PALLD: variants seen among roughly 807,000 people sequenced by gnomAD.
PALLD encodes the protein palladin, cytoskeletal associated protein, also known as palladin.
PALLD carries 61 observed loss-of-function variants against 123.5 expected under a neutral mutation model. The observed-to-expected ratio is 0.49, with a 90% confidence interval of 0.40 to 0.61. PALLD has a LOEUF of 0.61. PALLD is among the 20% of genes least tolerant of loss of function. The pLI is 0.00. For synonymous variants in PALLD, 465 were observed against 496.4 expected, an observed-to-expected ratio of 0.94 and a Z score of 0.84; for missense variants, 1,273 against 1,377.0, an observed-to-expected ratio of 0.92 and a Z score of 1.20.
At chr4:168,535,894 T>C (rs1023438237) in intron 2 of PALLD, among the ~76,000 whole-genome samples, 2 of 152,174 alleles carry the variant, frequency 1.3e-5, no homozygotes, top group Admixed American at 6.5e-5. Flanking sequence ...TACATAAAAA[T>C]ACAACTATTA....
chr4:168,640,722 C>T (rs1272442562), intron 2 of PALLD, among the ~76,000 whole-genome samples: 2 of 152,234 alleles, frequency 1.3e-5, no homozygotes, highest in Non-Finnish European at 1.5e-5. Flanking sequence ...GTAAGCTACA[C>T]TTATAATGAT....
chr4:168,728,914 A>T (rs1030989711), intron 10 of PALLD, among the ~76,000 whole-genome samples: 6 of 151,976 alleles, frequency 3.9e-5, no homozygotes, highest in Admixed American at 3.3e-4. Flanking sequence ...GCCTTTGTGG[A>T]TGCCTTTTAT....
At chr4:168,518,388 G>A (rs548407447) in intron 2 of PALLD, among the ~76,000 whole-genome samples, 30 of 152,196 alleles carry the variant, frequency 2.0e-4, no homozygotes, top group South Asian at 4.2e-4. Flanking sequence ...AGCACTGCCC[G>A]AACACCGTCC....
rs1285479149 is a variant in PALLD at position 168,530,430 on chromosome 4, G to C, written c.908+18018G>C. The C allele has an allele frequency of 3.9e-5, 6 of 152,156 alleles. No homozygotes were observed. The East Asian group carries it at 1.2e-3, about 29-fold the overall frequency. The allele number at this position is 152,156 out of a possible 1,614,324, so 9.4% of individuals were successfully genotyped here. On this transcript the variant is annotated intron_variant, in intron 2 of 21. Coordinates refer to ENST00000505667, the MANE Select transcript of PALLD (RefSeq NM_001166108.2). ...TCTATCCATCCCTTCAATAAACCTAGAACTGCAGAGAGAGATAGACACCTG... is the reference window on the plus strand; with the variant it reads ...TCTATCCATCCCTTCAATAAACCTACAACTGCAGAGAGAGATAGACACCTG...
intron 10 of PALLD, among the ~76,000 whole-genome samples, chr4:168,813,862 A>G (rs1370590387): frequency 6.6e-6 from 1 of 152,166 alleles, no homozygotes; most frequent in Non-Finnish European, 1.5e-5. Flanking sequence ...AAAGGCTATT[A>G]TAACCAAATA....
chr4:168,771,244 A>T (rs1036715516), intron 10 of PALLD, among the ~76,000 whole-genome samples: 2 of 152,176 alleles, frequency 1.3e-5, no homozygotes, highest in Non-Finnish European at 2.9e-5. Flanking sequence ...TGTAAAATAT[A>T]ATAAAAACAA....
intron 2 of PALLD, among the ~76,000 whole-genome samples, chr4:168,617,603 A>C (rs1774352927): frequency 6.6e-6 from 1 of 152,222 alleles, no homozygotes; most frequent in Admixed American, 6.5e-5. Flanking sequence ...GACTATAGGC[A>C]GAGTCAGACT....
chr4:168,790,078 T>G (rs1737291335), intron 10 of PALLD, among the ~76,000 whole-genome samples: 1 of 152,150 alleles, frequency 6.6e-6, no homozygotes, highest in African/African-American at 2.4e-5. Context: ...TCTCTCCGGT[T>G]TTGTGTAGGG....
rs1283752864 is a variant in PALLD, at chr4:168,684,626, T to C, written c.1261-859T>C. The stretch of plus-strand genomic sequence containing the variant: ...CCTGGCATAGAGTAAATATTAATAC[T>C]ATAAGAGTGTTCACATATTCTTGGG... On this transcript the variant is annotated intron_variant, in intron 5 of 21. Coordinates refer to ENST00000505667, the MANE Select transcript of PALLD (RefSeq NM_001166108.2). Among the ~76,000 whole-genome samples the C allele has an allele frequency of 3.9e-5, 6 of 152,214 alleles. No homozygotes were observed. In the East Asian group the frequency reaches 7.7e-4, roughly 19 times the overall value.
intron 1 of PALLD, among the ~76,000 whole-genome samples, chr4:168,505,803 T>C (rs1055841312): frequency 2.6e-5 from 4 of 152,248 alleles, no homozygotes; most frequent in Admixed American, 6.5e-5. Flanking sequence ...TGATCATTAA[T>C]TGCCTTTATA....
intron 10 of PALLD, among the ~76,000 whole-genome samples, chr4:168,724,751 A>T (rs549105462): frequency 6.6e-6 from 1 of 152,340 alleles, no homozygotes; most frequent in South Asian, 2.1e-4. Flanking sequence ...TTGCTCTAGG[A>T]GCATACCAGG....
chr4:168,779,003 T>C (rs970884908), intron 10 of PALLD, among the ~76,000 whole-genome samples: 11 of 152,220 alleles, frequency 7.2e-5, no homozygotes, highest in African/African-American at 2.7e-4. Flanking sequence ...TACATTGACA[T>C]TGAATTTTTC....
At chr4:168,502,144 C>T (rs1331517299) in intron 1 of PALLD, among the ~76,000 whole-genome samples, 1 of 152,020 alleles carries the variant, frequency 6.6e-6, no homozygotes, top group Non-Finnish European at 1.5e-5. Context: ...TAAATGCTGA[C>T]TGAATAAAAC....
intron 2 of PALLD, among the ~76,000 whole-genome samples, chr4:168,554,907 A>C (rs1352136842): frequency 6.6e-6 from 1 of 152,150 alleles, no homozygotes; most frequent in African/African-American, 2.4e-5. Flanking sequence ...TATTTATACT[A>C]TTCATATTTA....
chr4:168,685,819 A>AT (rs1420141095), intron 6 of PALLD, among the ~76,000 whole-genome samples: 3 of 150,056 alleles, frequency 2.0e-5, no homozygotes, highest in Admixed American at 6.8e-5. Flanking sequence ...AGAAAAAAAA[A>AT]AAAAAAAAAA....
chr4:168,871,475 G>C (rs1277220003), intron 10 of PALLD, among the ~76,000 whole-genome samples: 1 of 144,294 alleles, frequency 6.9e-6, no homozygotes. Flanking sequence ...TTCAAGCATT[G>C]AAAAAAAAAA....
chr4:168,925,081 G>A lies in PALLD; in HGVS notation c.3358+3G>A, dbSNP rs112478424. 1 of 1,613,856 alleles carries A rather than the reference G, an allele frequency of 6.2e-7. No individual in the cohort carries two copies. The highest frequency in any genetic ancestry group is 8.5e-7 in the Non-Finnish European group (1 of 1,179,932). On this transcript the variant is annotated splice_donor_region_variant and intron_variant, in intron 20 of 21. Coordinates refer to ENST00000505667, the MANE Select transcript of PALLD (RefSeq NM_001166108.2). ...TACTGCCAGGCTGGACGTTTACAGT[G>A]AGTGCCACTTCATCTCATTTCATTG... is the stretch of plus-strand genomic sequence containing the variant.
chr4:168,691,725 C>T (rs1782650553), intron 8 of PALLD, among the ~76,000 whole-genome samples: 1 of 152,108 alleles, frequency 6.6e-6, no homozygotes, highest in Admixed American at 6.5e-5. Context: ...AAGAGGTAAG[C>T]AAAATGGACC....
At chr4:168,573,912 A>G (rs1380098482) in intron 2 of PALLD, among the ~76,000 whole-genome samples, 1 of 152,102 alleles carries the variant, frequency 6.6e-6, no homozygotes, top group African/African-American at 2.4e-5. Context: ...AATCTTAATT[A>G]AAGAGAAAAC....
Sources: gnomAD v4.1 joint callset for allele counts (sites outside exome capture counted in the v4.1 genomes callset) on GRCh38, gnomAD v4.1.1 for gene constraint, MANE v1.5 for transcripts, NCBI Gene and HGNC (gene_info 2026-07-23, HGNC 2026-07-21) for gene names.